GALNT13: variants seen among roughly 807,000 people sequenced by gnomAD.
The protein encoded by GALNT13 is polypeptide N-acetylgalactosaminyltransferase 13, also known as UDP-GalNAc:polypeptide N-acetylgalactosaminyltransferase 13.
Under a neutral mutation model 64.2 loss-of-function variants are expected in GALNT13, and 28 were observed. That is an observed-to-expected ratio of 0.44 (90% confidence interval 0.32 to 0.60). The LOEUF is 0.60. Among genes scored for constraint, GALNT13 ranks in the 20% least tolerant of loss-of-function variants. The probability of loss-of-function intolerance (pLI) is 0.05; values close to 1 mark genes in which losing one functional copy is unlikely to be tolerated. For missense variants in GALNT13, 577 were observed against 669.8 expected, an observed-to-expected ratio of 0.86 and a Z score of 1.53; for synonymous variants, 214 against 224.6, an observed-to-expected ratio of 0.95 and a Z score of 0.42.
At chr2:153,577,574 G>A in the GALNT13 span, among the ~76,000 whole-genome samples, 68 of 152,044 alleles carry the variant, frequency 4.5e-4, no homozygotes, top group Admixed American at 3.1e-3. Flanking sequence ...AAAGAAAAGC[G>A]TGCTTTTCAG....
At chr2:153,724,394 G>A in the GALNT13 span, among the ~76,000 whole-genome samples, 1 of 121,348 alleles carries the variant, frequency 8.2e-6, no homozygotes. Context: ...CATAGGCGTG[G>A]GCAAGGACTT....
chr2:154,179,889 G>T (rs1685862148), intron 4 of GALNT13, among the ~76,000 whole-genome samples: 1 of 150,544 alleles, frequency 6.6e-6, no homozygotes, highest in South Asian at 2.1e-4. Flanking sequence ...GATTCTATTT[G>T]TTACTTGAGT....
chr2:153,569,951 C>T, the GALNT13 span, among the ~76,000 whole-genome samples: 1 of 152,114 alleles, frequency 6.6e-6, no homozygotes, highest in Non-Finnish European at 1.5e-5. Context: ...CGATGTTTGT[C>T]TTTCTGTGCC....
intron 9 of GALNT13, among the ~76,000 whole-genome samples, chr2:154,326,015 A>T (rs1414930813): frequency 6.6e-6 from 1 of 152,128 alleles, no homozygotes; most frequent in African/African-American, 2.4e-5. Context: ...CACTGTGCTC[A>T]TCCCCTTGTA....
At chr2:153,139,559 C>A in the GALNT13 span, among the ~76,000 whole-genome samples, 2 of 151,834 alleles carry the variant, frequency 1.3e-5, no homozygotes, top group South Asian at 4.1e-4. Context: ...TCTGAGCACA[C>A]CCTTGAGGGA....
chr2:154,045,690 A>T (rs1371328357), intron 3 of GALNT13, among the ~76,000 whole-genome samples: 1 of 152,192 alleles, frequency 6.6e-6, no homozygotes, highest in Non-Finnish European at 1.5e-5. Context: ...TTCTAGAGAA[A>T]AATACTGCCT....
the GALNT13 span, among the ~76,000 whole-genome samples, chr2:153,466,566 T>C: frequency 2.6e-5 from 4 of 152,000 alleles, no homozygotes; most frequent in Non-Finnish European, 5.9e-5. Flanking sequence ...GATCCTTGCT[T>C]TCCTCTAATG....
the GALNT13 span, among the ~76,000 whole-genome samples, chr2:153,704,436 T>C: frequency 5.3e-5 from 8 of 152,210 alleles, no homozygotes; most frequent in African/African-American, 1.9e-4. Context: ...TTTATTCTAA[T>C]TTTCACTGCA....
At chr2:153,926,159 A>G (rs1177441181) in intron 2 of GALNT13, 1 of 152,060 alleles carries the variant, frequency 6.6e-6, no homozygotes, top group Non-Finnish European at 1.5e-5. Flanking sequence ...CTCAAGTTGC[A>G]TGTGATTTTA....
intron 4 of GALNT13, among the ~76,000 whole-genome samples, chr2:154,147,354 A>AAT (rs368415407): frequency 3.5e-3 from 514 of 147,400 alleles, no homozygotes; most frequent in South Asian, 4.5e-3. Flanking sequence ...ATTTGAATGG[A>AAT]ATATATATAT....
chr2:153,734,344 A>G, the GALNT13 span, among the ~76,000 whole-genome samples: 100 of 152,270 alleles, frequency 6.6e-4, no homozygotes, highest in Non-Finnish European at 1.2e-3. Flanking sequence ...CAGTGGAAAA[A>G]CAAAGAGGCA....
At chr2:154,037,460 C>T (rs925105998) in intron 3 of GALNT13, among the ~76,000 whole-genome samples, 8 of 152,102 alleles carry the variant, frequency 5.3e-5, no homozygotes, top group Admixed American at 5.2e-4. Context: ...GACAAGGATG[C>T]CTCCTTTCAC....
chr2:153,450,768 A>G, the GALNT13 span, among the ~76,000 whole-genome samples: 1 of 152,320 alleles, frequency 6.6e-6, no homozygotes, highest in South Asian at 2.1e-4. Context: ...CCTCTTATGT[A>G]ATAGTAGCCA....
the GALNT13 span, among the ~76,000 whole-genome samples, chr2:153,651,035 G>T: frequency 2.0e-5 from 3 of 152,088 alleles, no homozygotes; most frequent in African/African-American, 7.2e-5. Context: ...TGGGCATAAA[G>T]TCTGTTATTC....
Position 154,453,655 on chromosome 2 carries a change from G to A in GALNT13, c.*3104G>A, listed in dbSNP as rs1489553433. 2 of 152,042 alleles carry A rather than the reference G, an allele frequency of 1.3e-5. No individual in the cohort carries two copies. Among genetic ancestry groups the A allele is most frequent in the African/African-American group, 4.8e-5 (2 of 41,392 alleles). 9.4% of individuals were successfully genotyped at this position (152,042 alleles called of 1,614,324 possible). On this transcript the variant is annotated 3_prime_UTR_variant, in exon 13 of 13. Coordinates refer to ENST00000392825, the MANE Select transcript of GALNT13 (RefSeq NM_052917.4). ...AACATGCCCATCACATGCCCTAGAA[G>A]GTAAGTCCCATGAAGGCAGGGGCTT...
chr2:153,664,557 G>C, the GALNT13 span, among the ~76,000 whole-genome samples: 1 of 152,164 alleles, frequency 6.6e-6, no homozygotes, highest in South Asian at 2.1e-4. Flanking sequence ...GAAGATGATG[G>C]GATTAAGAGA....
the GALNT13 span, among the ~76,000 whole-genome samples, chr2:153,799,079 G>A: frequency 1.3e-5 from 2 of 152,046 alleles, no homozygotes; most frequent in African/African-American, 4.8e-5. Flanking sequence ...TGCCTCACTG[G>A]GTGACTTAAC....
At chr2:153,911,107 A>G (rs1688908371) in intron 2 of GALNT13, among the ~76,000 whole-genome samples, 1 of 152,152 alleles carries the variant, frequency 6.6e-6, no homozygotes, top group African/African-American at 2.4e-5. Context: ...GATGCTTCTC[A>G]GTTGGGTGTA....
chr2:153,146,811 G>A, the GALNT13 span, among the ~76,000 whole-genome samples: 2 of 151,896 alleles, frequency 1.3e-5, no homozygotes, highest in African/African-American at 4.8e-5. Flanking sequence ...TAAGCATAGT[G>A]CCATGTGCTG....
Sources: gnomAD v4.1 joint callset for allele counts (sites outside exome capture counted in the v4.1 genomes callset) on GRCh38, gnomAD v4.1.1 for gene constraint, MANE v1.5 for transcripts, NCBI Gene and HGNC (gene_info 2026-07-23, HGNC 2026-07-21) for gene names.